Variants in GABPB1 observed in about 807,000 individuals in gnomAD.
GABPB1 encodes GA binding protein transcription factor subunit beta 1, also known as GA-binding protein subunit beta-1.
GABPB1 carries 15 observed loss-of-function variants against 45.9 expected under a neutral mutation model. The ratio of observed to expected loss-of-function variants is 0.33; its 90% CI spans 0.22 to 0.50. The LOEUF (loss-of-function observed/expected upper bound fraction) is 0.50, where lower values mean the gene tolerates loss of function less well. Ranked by LOEUF, GABPB1 falls within the 20% of genes least tolerant of loss-of-function variation. The pLI is 0.98. For missense variants in GABPB1, 252 were observed against 457.5 expected (o/e 0.55, Z 4.10); for synonymous variants, 143 against 154.4 (o/e 0.93, Z 0.55).
At chr15:50,284,620 A>C (rs926436721) in intron 8 of GABPB1, among the ~76,000 whole-genome samples, 1 of 152,224 alleles carries the variant, frequency 6.6e-6, no homozygotes, top group African/African-American at 2.4e-5. Flanking sequence ...CATTAGGTAA[A>C]TAAAGGTATA....
rs568806575 is a variant in GABPB1, at chr15:50,282,634, TAAAA to T, written c.999+3430_999+3433del. Among the ~76,000 whole-genome samples, 4 of 128,610 alleles carry T rather than the reference TAAAA, an allele frequency of 3.1e-5. No homozygotes were observed. In the South Asian group the frequency reaches 7.4e-4, roughly 24 times the overall value. The allele number at this position is 128,610 out of a possible 152,430, so 84.4% of individuals were successfully genotyped here. On this transcript the variant is annotated intron_variant, in intron 8 of 8. Coordinates refer to ENST00000380877, the MANE Select transcript of GABPB1 (RefSeq NM_016654.5). ...TGTGGCAGATCAGGAAAGATAGCCATAAAAAAAAAAGATTGAAAAGCTTTGCATC... is the reference window on the plus strand; with the variant it reads ...TGTGGCAGATCAGGAAAGATAGCCATAAAAAAGATTGAAAAGCTTTGCATC...
intron 1 of GABPB1, chr15:50,350,563 T>C (rs1026404390): frequency 3.3e-5 from 5 of 151,830 alleles, no homozygotes; most frequent in Non-Finnish European, 7.4e-5. Flanking sequence ...GCAAAAACTA[T>C]TATCAAGTTA....
intron 1 of GABPB1, chr15:50,354,021 T>G: frequency 4.3e-6 from 1 of 235,082 alleles, no homozygotes; most frequent in Non-Finnish European, 8.6e-6. Flanking sequence ...AAAGCAAGAG[T>G]ATTTGTACTG....
chr15:50,288,881 A>C (rs2046252363), intron 7 of GABPB1, among the ~76,000 whole-genome samples: 1 of 151,554 alleles, frequency 6.6e-6, no homozygotes, highest in African/African-American at 2.4e-5. Context: ...GCTGGAATGC[A>C]GTGGCATGAT....
At chr15:50,318,906 C>T (rs532331524) in intron 1 of GABPB1, among the ~76,000 whole-genome samples, 8 of 152,276 alleles carry the variant, frequency 5.3e-5, no homozygotes, top group African/African-American at 1.2e-4. Context: ...GATATGCACA[C>T]GCATTTCCTT....
chr15:50,349,625 ATG>A (rs2048748293), intron 1 of GABPB1: 1 of 152,214 alleles, frequency 6.6e-6, no homozygotes, highest in Non-Finnish European at 1.5e-5. Flanking sequence ...TAGGAGTGAT[ATG>A]TTTCTCTACT....
chr15:50,346,893 G>A (rs1191156369), intron 1 of GABPB1, among the ~76,000 whole-genome samples: 6 of 150,644 alleles, frequency 4.0e-5, no homozygotes, highest in African/African-American at 7.3e-5. Context: ...AGGTTCAAGC[G>A]ATTCTCCTGC....
At chr15:50,320,902 A>T (rs1257133690) in intron 1 of GABPB1, among the ~76,000 whole-genome samples, 1 of 152,184 alleles carries the variant, frequency 6.6e-6, no homozygotes, top group Non-Finnish European at 1.5e-5. Flanking sequence ...GAAGCTAGAA[A>T]AGGAAAGAAA....
chr15:50,354,624 C>G, intron 1 of GABPB1: 3 of 441,064 alleles, frequency 6.8e-6, no homozygotes, highest in Non-Finnish European at 1.4e-5. Context: ...GCTGCCTCGG[C>G]GCGACCCCAT....
chr15:50,301,131 T>C (rs2046727250), intron 5 of GABPB1, 126 bp downstream of exon 5: 1 of 1,321,724 alleles, frequency 7.6e-7, no homozygotes, highest in Non-Finnish European at 1.0e-6. Context: ...GATAGAATCT[T>C]ACCCTCATTC....
At chr15:50,297,505 C>T (rs2046564279) in intron 6 of GABPB1, among the ~76,000 whole-genome samples, 1 of 152,196 alleles carries the variant, frequency 6.6e-6, no homozygotes, top group Non-Finnish European at 1.5e-5. Flanking sequence ...TGAGCCTGCG[C>T]TCCCGGCACT....
Position 50,285,954 on chromosome 15 carries a change from C to A in GABPB1, c.999+114G>T, listed in dbSNP as rs544716841. ...AAAAATAAACAAAATGAAAATACTA[C>A]GCACTTTCATTCTGTATCAAAACAA... On this transcript the variant is annotated intron_variant, in intron 8 of 8. Transcript: ENST00000380877. 40 of 1,460,336 alleles carry A rather than the reference C, an allele frequency of 2.7e-5. No individual in the cohort carries two copies. The African/African-American group carries it at 5.6e-4, about 21-fold the overall frequency. 90.5% of individuals were successfully genotyped at this position (1,460,336 alleles called of 1,614,324 possible).
chr15:50,322,904 C>A (rs1372251653), intron 1 of GABPB1, among the ~76,000 whole-genome samples: 1 of 152,012 alleles, frequency 6.6e-6, no homozygotes, highest in East Asian at 1.9e-4. Flanking sequence ...TGGCACATGC[C>A]TGTAGTCCCA....
At position 50,289,643 on chromosome 15, in the gene GABPB1, AG is replaced by A; in HGVS notation, c.722del (p.Thr241MetfsTer12). ...TPVVATEEVV[T>X]AESVDGAIQQ... ...GAATGGCACCATCCACAGATTCTGC[AG>A]TAACTACTTCTTCTGTGGCCACTAC... On this transcript the variant is annotated frameshift_variant, in exon 7 of 9. Transcript: ENST00000380877. LOFTEE classifies it high-confidence loss of function. The A allele has an allele frequency of 6.2e-7, 1 of 1,611,704 alleles. No individual in the cohort carries two copies. Among genetic ancestry groups the A allele is most frequent in the Non-Finnish European group, 8.5e-7 (1 of 1,179,096 alleles).
At chr15:50,341,617 T>C (rs191642445) in intron 1 of GABPB1, among the ~76,000 whole-genome samples, 2 of 152,300 alleles carry the variant, frequency 1.3e-5, no homozygotes, top group East Asian at 3.9e-4. Context: ...GCCTGAAATA[T>C]GAATCTATTT....
intron 1 of GABPB1, among the ~76,000 whole-genome samples, chr15:50,317,892 G>A (rs1336149945): frequency 6.9e-6 from 1 of 144,334 alleles, no homozygotes; most frequent in African/African-American, 2.6e-5. Context: ...CTGGGCGACA[G>A]AGCAAGACTC....
At chr15:50,311,004 T>A (rs1228350626) in intron 1 of GABPB1, among the ~76,000 whole-genome samples, 1 of 149,780 alleles carries the variant, frequency 6.7e-6, no homozygotes, top group African/African-American at 2.5e-5. Flanking sequence ...CAGGAAAGAA[T>A]ATCTTGTGCC....
At chr15:50,286,033 C>A (rs1417786647) in intron 8 of GABPB1, 35 bp downstream of exon 8, 2 of 1,599,570 alleles carry the variant, frequency 1.3e-6, no homozygotes, top group Non-Finnish European at 1.7e-6. Context: ...TTTTGGATGA[C>A]TGCGGCAAAG....
intron 6 of GABPB1, among the ~76,000 whole-genome samples, chr15:50,293,795 C>T (rs1011246184): frequency 6.6e-6 from 1 of 152,052 alleles, no homozygotes; most frequent in African/African-American, 2.4e-5. Flanking sequence ...ATCTAAAAAG[C>T]TTTCTTTTTA....
Sources: allele counts gnomAD v4.1 joint callset (sites outside exome capture counted in the v4.1 genomes callset), GRCh38; gene constraint gnomAD v4.1.1; transcripts MANE v1.5; gene names NCBI Gene and HGNC (gene_info 2026-07-23, HGNC 2026-07-21).